RAD51B: variants seen among roughly 807,000 people sequenced by gnomAD.
The protein encoded by RAD51B is DNA repair protein RAD51 homolog 2.
A neutral mutation model predicts 42.2 loss-of-function variants in RAD51B; 38 were observed. That is an observed-to-expected ratio of 0.90 (90% confidence interval 0.70 to 1.18). RAD51B has a LOEUF of 1.18. RAD51B is among the 50% of genes most tolerant of loss of function. The pLI, the probability that RAD51B is intolerant of heterozygous loss-of-function variation, is 0.00. For synonymous variants in RAD51B, 154 were observed against 145.2 expected (o/e 1.06, Z -0.43); for missense variants, 373 against 400.7 (o/e 0.93, Z 0.59).
At chr14:68,146,368 C>T (rs778359902) in intron 7 of RAD51B, among the ~76,000 whole-genome samples, 7 of 151,934 alleles carry the variant, frequency 4.6e-5, no homozygotes, top group Non-Finnish European at 8.8e-5. Flanking sequence ...GAGAATTGCT[C>T]GAACCAAGAT....
intron 7 of RAD51B, among the ~76,000 whole-genome samples, chr14:68,170,584 T>C (rs902671794): frequency 6.6e-6 from 1 of 152,244 alleles, no homozygotes; most frequent in Non-Finnish European, 1.5e-5. Flanking sequence ...GTCATATTTC[T>C]TACTAGTCTT....
rs568486799 is a variant in RAD51B, at chr14:68,315,682, C to G, written c.853+23702C>G. 3.8e-4 allele frequency among the ~76,000 whole-genome samples: 58 copies of G among 152,128 alleles called. 1 individual carries two copies. In the South Asian group the frequency reaches 6.9e-3, roughly 18 times the overall value. ...GACTACAGGTGCCCGCCACCACGCC[C>G]GGCTAATTTTTTTGTATTTTTAGTA... On this transcript the variant is annotated intron_variant, in intron 8 of 10. Coordinates refer to ENST00000471583, the MANE Select transcript of RAD51B (RefSeq NM_133510.4).
chr14:67,916,629 A>G (rs2044160550), intron 7 of RAD51B, among the ~76,000 whole-genome samples: 1 of 152,164 alleles, frequency 6.6e-6, no homozygotes, highest in Non-Finnish European at 1.5e-5. Flanking sequence ...TATTTTAGCC[A>G]CAGACATGGA....
chr14:68,330,887 C>T (rs886717681), intron 8 of RAD51B, among the ~76,000 whole-genome samples: 2 of 151,998 alleles, frequency 1.3e-5, no homozygotes, highest in Non-Finnish European at 2.9e-5. Context: ...ATTAAGTGTT[C>T]CATATGGAAT....
intron 7 of RAD51B, among the ~76,000 whole-genome samples, chr14:68,190,987 A>G (rs1489880756): frequency 2.6e-5 from 4 of 152,290 alleles, no homozygotes; most frequent in Admixed American, 6.5e-5. Flanking sequence ...TTATTTCCCA[A>G]TGTTAATTAT....
intron 7 of RAD51B, among the ~76,000 whole-genome samples, chr14:68,045,869 G>A (rs543761569): frequency 2.0e-5 from 3 of 151,880 alleles, no homozygotes; most frequent in Admixed American, 6.6e-5. Context: ...TTTTTTTTAG[G>A]GTTTAAAATT....
rs17105355 is a variant in RAD51B at position 68,296,802 on chromosome 14, A to G, written c.853+4822A>G. Among the ~76,000 whole-genome samples the G allele has an allele frequency of 2.7e-3, 418 of 152,324 alleles. 1 individual carries two copies. The highest frequency in any genetic ancestry group is 9.7e-3 in the African/African-American group (402 of 41,574). On this transcript the variant is annotated intron_variant, in intron 8 of 10. Transcript: ENST00000471583. ...GAAAAGAAGACATTATTAGGCTGCC[A>G]TCTTGGTATTCCCAGCATCTGGCAT...
At chr14:68,542,479 T>C (rs932350917) in intron 10 of RAD51B, among the ~76,000 whole-genome samples, 1 of 152,190 alleles carries the variant, frequency 6.6e-6, no homozygotes, top group African/African-American at 2.4e-5. Flanking sequence ...CATAATCCAA[T>C]GAGTCAGGAA....
intron 10 of RAD51B, among the ~76,000 whole-genome samples, chr14:68,577,964 G>A (rs1256246022): frequency 6.6e-6 from 1 of 152,200 alleles, no homozygotes; most frequent in East Asian, 1.9e-4. Context: ...CCAGACTTGA[G>A]TCATTTCCAT....
chr14:67,863,049 A>G (rs1287554658), intron 4 of RAD51B, among the ~76,000 whole-genome samples: 1 of 152,052 alleles, frequency 6.6e-6, no homozygotes, highest in Non-Finnish European at 1.5e-5. Flanking sequence ...CTGATCTCTC[A>G]TAATCTGGCA....
At chr14:67,834,686 C>T (rs1449261319) in intron 3 of RAD51B, among the ~76,000 whole-genome samples, 2 of 152,146 alleles carry the variant, frequency 1.3e-5, no homozygotes, top group African/African-American at 4.8e-5. Flanking sequence ...CAGGAATAGT[C>T]AAATTTCCTT....
At chr14:68,041,652 C>T (rs906188984) in intron 7 of RAD51B, among the ~76,000 whole-genome samples, 4 of 151,974 alleles carry the variant, frequency 2.6e-5, no homozygotes, top group African/African-American at 9.7e-5. Context: ...CTTTTCCTGT[C>T]TGCCTGAAAC....
chr14:67,865,280 G>T, intron 5 of RAD51B, 141 bp downstream of exon 5: 1 of 842,146 alleles, frequency 1.2e-6, no homozygotes. Flanking sequence ...CTCTGTTGCC[G>T]GGCTGGAGTG....
chr14:68,258,239 G>A (rs551399612), intron 7 of RAD51B, among the ~76,000 whole-genome samples: 4 of 152,028 alleles, frequency 2.6e-5, no homozygotes, highest in African/African-American at 4.8e-5. Flanking sequence ...CTGTCACCAC[G>A]AACAGTAAAA....
intron 7 of RAD51B, among the ~76,000 whole-genome samples, chr14:68,280,734 C>T (rs1481679845): frequency 2.0e-5 from 3 of 152,110 alleles, no homozygotes; most frequent in Non-Finnish European, 4.4e-5. Context: ...AAGTCTTGTA[C>T]TAAGTTACTT....
At chr14:68,625,901 C>T (rs1293146218) in intron 10 of RAD51B, among the ~76,000 whole-genome samples, 1 of 152,196 alleles carries the variant, frequency 6.6e-6, no homozygotes, top group Non-Finnish European at 1.5e-5. Flanking sequence ...TGGCCCTGGT[C>T]TCCTTCCCCT....
In RAD51B at chr14:68,648,710, CACACAG is replaced by C. The variant is rs1021113814; in HGVS notation, c.1037-2070_1037-2065del. On this transcript the variant is annotated intron_variant, in intron 10 of 11. Coordinates refer to the RAD51B transcript ENST00000488612. ...ACACACACACACACACACACACACA[CACACAG>C]GGAAAAACAAGTTATTCAACTTTGC... Among the ~76,000 whole-genome samples, 10 of 142,588 alleles carry C rather than the reference CACACAG, an allele frequency of 7.0e-5. No homozygotes were observed. In the East Asian group the frequency reaches 1.4e-3, roughly 20 times the overall value. The allele number at this position is 142,588 out of a possible 152,430, so 93.5% of individuals were successfully genotyped here.
At chr14:68,465,951 A>AAAAAAAAAAAAT (rs368641918) in intron 9 of RAD51B, among the ~76,000 whole-genome samples, 1 of 90,458 alleles carries the variant, frequency 1.1e-5, no homozygotes, top group African/African-American at 3.3e-5. Flanking sequence ...AAAAAAAAAA[A>AAAAAAAAAAAAT]AAATAAATAA....
chr14:68,482,176 G>GTGTGTGTGTGT (rs1883236114), downstream of RAD51B, among the ~76,000 whole-genome samples: 1 of 149,802 alleles, frequency 6.7e-6, no homozygotes, highest in African/African-American at 2.5e-5. Context: ...ATATTTTAGG[G>GTGTGTGTGTGT]GTGTGTGTGT....
Sources: gnomAD v4.1 joint callset for allele counts (sites outside exome capture counted in the v4.1 genomes callset) on GRCh38, gnomAD v4.1.1 for gene constraint, MANE v1.5 for transcripts, NCBI Gene and HGNC (gene_info 2026-07-23, HGNC 2026-07-21) for gene names.